PUF60: variants seen among roughly 807,000 people sequenced by gnomAD.
PUF60 encodes the protein poly(U)-binding-splicing factor PUF60.
A neutral mutation model predicts 61.8 loss-of-function variants in PUF60; 10 were observed. That is an observed-to-expected ratio of 0.16 (90% CI 0.10 to 0.27). PUF60 has a LOEUF of 0.27. Ranked by LOEUF, PUF60 falls within the 10% of genes least tolerant of loss-of-function variation. The pLI, the probability that PUF60 is intolerant of heterozygous loss-of-function variation, is 1.00. For synonymous variants in PUF60, 353 were observed against 300.9 expected (o/e 1.17, Z -1.79); for missense variants, 371 against 754.0 (o/e 0.49, Z 5.95).
Position 143,818,113 on chromosome 8 carries a change from C to A in PUF60, c.604-38G>T, listed in dbSNP as rs769313362. ...CGGTGAGATGGAAAGACCGGTCAACCCAGGCCCGGCCACAAAAGGCTTCCG... is the reference window on the plus strand; with the variant it reads ...CGGTGAGATGGAAAGACCGGTCAACACAGGCCCGGCCACAAAAGGCTTCCG... On this transcript the variant is annotated intron_variant, in intron 7 of 11. Transcript: ENST00000526683. The surrounding 1 kb of genome is among the most constrained non-coding windows in gnomAD (Gnocchi z 7.9). 2 of 1,604,378 alleles carry A rather than the reference C, an allele frequency of 1.2e-6. No individual in the cohort carries two copies. The highest frequency in any genetic ancestry group is 1.7e-6 in the Non-Finnish European group (2 of 1,175,576).
Position 143,818,107 on chromosome 8 carries a change from G to C in PUF60, c.604-32C>G, listed in dbSNP as rs780963403. On this transcript the variant is annotated intron_variant, in intron 7 of 11. Coordinates refer to ENST00000526683, the MANE Select transcript of PUF60 (RefSeq NM_078480.3). This position sits in a 1 kb window ranked among gnomAD's most constrained non-coding sequence, Gnocchi z 7.9. The stretch of plus-strand genomic sequence containing the variant: ...AAGAGGCGGTGAGATGGAAAGACCG[G>C]TCAACCCAGGCCCGGCCACAAAAGG... The C allele has an allele frequency of 1.9e-6, 3 of 1,606,688 alleles. 1 individual carries two copies. The South Asian group carries it at 3.3e-5, about 18-fold the overall frequency.
Position 143,816,899 on chromosome 8 carries a change from C to A in PUF60, c.1380+11G>T, listed in dbSNP as rs1419054343. 1 of 1,567,604 alleles carries A rather than the reference C, an allele frequency of 6.4e-7. No individual in the cohort carries two copies. Among genetic ancestry groups the A allele is most frequent in the South Asian group, 1.2e-5 (1 of 86,154 alleles). ...CCCTCTCCCCCGCCACCACCCTGCC[C>A]CTCTGCCTACCTCCTGCTTGCGGAG... On this transcript the variant is annotated intron_variant, in intron 11 of 11. Transcript: ENST00000526683.
At chr8:143,828,561 G>A (rs1187376461) in intron 1 of PUF60, among the ~76,000 whole-genome samples, 1 of 152,170 alleles carries the variant, frequency 6.6e-6, no homozygotes, top group Non-Finnish European at 1.5e-5. Flanking sequence ...GGATGCCCAC[G>A]CAGCTCCCTA....
At chr8:143,827,447 GA>G (rs1383765865) in intron 1 of PUF60, 1 of 456,132 alleles carries the variant, frequency 2.2e-6, no homozygotes, top group Non-Finnish European at 4.4e-6. Flanking sequence ...ATGCCCATGG[GA>G]GGGGAGGCCC....
At chr8:143,824,221 C>T in intron 2 of PUF60, 92 bp downstream of exon 2, 1 of 1,353,404 alleles carries the variant, frequency 7.4e-7, no homozygotes, top group Admixed American at 2.1e-5. Context: ...CGCCCCCAGC[C>T]AGCCCTCTCT....
At chr8:143,824,151 G>A (rs540303262) in intron 2 of PUF60, among the ~76,000 whole-genome samples, 162 bp downstream of exon 2, 1 of 152,354 alleles carries the variant, frequency 6.6e-6, no homozygotes, top group South Asian at 2.1e-4. Flanking sequence ...AGAGGGCCGT[G>A]GTCCTGCGGG....
intron 1 of PUF60, chr8:143,824,746 C>A: frequency 2.8e-6 from 1 of 352,314 alleles, no homozygotes. Context: ...GCTGGGTGTC[C>A]CCCATGCCCT....
intron 1 of PUF60, chr8:143,827,379 A>C (rs1483890127): frequency 8.8e-6 from 4 of 456,150 alleles, no homozygotes; most frequent in South Asian, 6.2e-5. Flanking sequence ...CATCCAGAAG[A>C]CCTACCCTTG....
At chr8:143,828,350 G>A (rs897550824) in intron 1 of PUF60, among the ~76,000 whole-genome samples, 2 of 152,226 alleles carry the variant, frequency 1.3e-5, no homozygotes, top group African/African-American at 4.8e-5. Flanking sequence ...CTGGGGGAAG[G>A]GTGACAAGTA....
chr8:143,824,463 C>T, intron 1 of PUF60, 64 bp from the exon 2 acceptor site: 2 of 1,536,184 alleles, frequency 1.3e-6, no homozygotes, highest in South Asian at 1.1e-5. Context: ...GCCTGCTCTC[C>T]TCCCGAGCTA....
intron 1 of PUF60, chr8:143,824,695 C>G (rs897021879): frequency 1.4e-5 from 6 of 440,924 alleles, no homozygotes; most frequent in Middle Eastern, 5.9e-4. Flanking sequence ...CAAAAGAAAG[C>G]CATCCTCTCC....
intron 1 of PUF60, among the ~76,000 whole-genome samples, chr8:143,828,133 C>A (rs187145689): frequency 2.0e-5 from 3 of 152,316 alleles, no homozygotes; most frequent in Non-Finnish European, 2.9e-5. Flanking sequence ...ACACACTGGG[C>A]TGCCCTCGCA....
At chr8:143,826,131 G>A (rs190825745) in intron 1 of PUF60, among the ~76,000 whole-genome samples, 3 of 152,330 alleles carry the variant, frequency 2.0e-5, no homozygotes, top group East Asian at 1.9e-4. Context: ...TTAAAATGGC[G>A]TCTTTATGGT....
intron 1 of PUF60, chr8:143,827,343 G>C (rs1178885540): frequency 2.2e-6 from 1 of 455,998 alleles, no homozygotes; most frequent in East Asian, 6.9e-5. Context: ...GAAGAGAACG[G>C]AGCCATGCGT....
Position 143,817,557 on chromosome 8 carries a change from C to A in PUF60, c.1008+35G>T. On this transcript the variant is annotated intron_variant, in intron 9 of 11. Coordinates refer to ENST00000526683, the MANE Select transcript of PUF60 (RefSeq NM_078480.3). This position sits in a 1 kb window ranked among gnomAD's most constrained non-coding sequence, Gnocchi z 7.4. ...CTCCAAGGAATCAGGGGCCAGCCCGCCCACCCTCAAGCCGACAGCTGTGTG... is the reference window on the plus strand; with the variant it reads ...CTCCAAGGAATCAGGGGCCAGCCCGACCACCCTCAAGCCGACAGCTGTGTG... 6.2e-7 allele frequency: 1 copy of A among 1,608,854 alleles called. No homozygotes were observed. Among genetic ancestry groups the A allele is most frequent in the Non-Finnish European group, 8.5e-7 (1 of 1,179,050 alleles).
Position 143,817,328 on chromosome 8 carries a change from C to G in PUF60, c.1144+3G>C, listed in dbSNP as rs752519563. ...AGAGGATCTGGTACCACTTAAGACT[C>G]ACCTGTGATGACTCCAGGTGCCTGG... is the stretch of plus-strand genomic sequence containing the variant. On this transcript the variant is annotated splice_donor_region_variant and intron_variant, in intron 10 of 11. Transcript: ENST00000526683. This position sits in a 1 kb window ranked among gnomAD's most constrained non-coding sequence, Gnocchi z 7.4. The G allele has an allele frequency of 5.0e-6, 8 of 1,586,908 alleles. No homozygotes were observed. Among genetic ancestry groups the G allele is most frequent in the Non-Finnish European group, 6.8e-6 (8 of 1,171,812 alleles).
rs1251886897 is a variant in PUF60, at chr8:143,817,767, T to C, written c.833A>G (p.Gln278Arg). The C allele has an allele frequency of 6.2e-7, 1 of 1,611,500 alleles. No individual in the cohort carries two copies. The change falls in exon 9 of 12, where the codon CAG (glutamine) becomes CGG (arginine). Residue 278 changes from glutamine to arginine, a missense_variant. By Grantham distance (43) the Gln-to-Arg change is conservative. Transcript: ENST00000526683. This position sits in a 1 kb window ranked among gnomAD's most constrained non-coding sequence, Gnocchi z 7.4. ...GGAAGACACAGCATCTTGGGACGAC[T>C]GGGCCTTCTCGTACTCTGTGGGCAG... ...GYGFIEYEKA[Q>R]SSQDAVSSMN...
At chr8:143,827,362 A>G (rs1371991084) in intron 1 of PUF60, 1 of 456,226 alleles carries the variant, frequency 2.2e-6, no homozygotes, top group South Asian at 1.5e-5. Flanking sequence ...GTCAAAGTGA[A>G]AAGATGCATC....
intron 2 of PUF60, among the ~76,000 whole-genome samples, chr8:143,823,810 G>A (rs1206417182): frequency 6.6e-6 from 1 of 152,272 alleles, no homozygotes; most frequent in African/African-American, 2.4e-5. Flanking sequence ...ACCCACTCTG[G>A]AGCCTGGGGC....
Sources: allele counts gnomAD v4.1 joint callset (sites outside exome capture counted in the v4.1 genomes callset), GRCh38; gene constraint gnomAD v4.1.1; non-coding constraint Gnocchi (gnomAD v3.1); transcripts MANE v1.5; gene names NCBI Gene and HGNC (gene_info 2026-07-23, HGNC 2026-07-21).